DCX: variants seen among roughly 807,000 people sequenced by gnomAD.
The protein encoded by DCX is doublecortin, also known as neuronal migration protein doublecortin.
A neutral mutation model predicts 20.9 loss-of-function variants in DCX; 4 were observed. The observed-to-expected ratio is 0.19, with a 90% CI of 0.09 to 0.44. The LOEUF (loss-of-function observed/expected upper bound fraction) is 0.44, where lower values mean the gene tolerates loss of function less well. Among genes scored for constraint, DCX ranks in the 20% least tolerant of loss-of-function variants. The pLI, the probability that DCX is intolerant of heterozygous loss-of-function variation, is 0.99. For missense variants in DCX, 133 were observed against 296.9 expected, an observed-to-expected ratio of 0.45 and a Z score of 4.06; for synonymous variants, 103 against 111.4, an observed-to-expected ratio of 0.92 and a Z score of 0.47.
chrX:111,410,862 T>C, intron 1 of DCX: 1 of 1,211,319 alleles, frequency 8.3e-7, no homozygotes, highest in Non-Finnish European at 1.1e-6. Context: ...ATCCATAGCC[T>C]GACAAAATTC....
intron 3 of DCX, among the ~76,000 whole-genome samples, chrX:111,388,329 A>G (rs769943017): frequency 8.9e-6 from 1 of 112,117 alleles, no homozygotes; most frequent in South Asian, 3.7e-4. Context: ...TACTCTATCA[A>G]CAAAGCCCTT....
At chrX:111,395,702 G>C (rs977891386) in intron 3 of DCX, among the ~76,000 whole-genome samples, 1 of 112,140 alleles carries the variant, frequency 8.9e-6, no homozygotes, top group African/African-American at 3.2e-5. Flanking sequence ...TGGAGAAGGA[G>C]AATTTTGGTA....
At chrX:111,311,028 C>T (rs2095056664) in intron 6 of DCX, among the ~76,000 whole-genome samples, 1 of 111,977 alleles carries the variant, frequency 8.9e-6, no homozygotes, top group Non-Finnish European at 1.9e-5. Flanking sequence ...TCATGCTTAC[C>T]AAAAGGAAGG....
chrX:111,348,743 A>G (rs1009520801), intron 3 of DCX, among the ~76,000 whole-genome samples: 3 of 110,462 alleles, frequency 2.7e-5, no homozygotes, highest in African/African-American at 9.9e-5. Context: ...TTAAAATAAG[A>G]GAGTGTGCTT....
intron 3 of DCX, among the ~76,000 whole-genome samples, chrX:111,374,967 A>C (rs754928687): frequency 9.6e-6 from 1 of 104,263 alleles, no homozygotes; most frequent in South Asian, 4.7e-4. Context: ...GAAACAACTT[A>C]GACCTCAAGG....
intron 3 of DCX, among the ~76,000 whole-genome samples, chrX:111,361,575 T>C (rs1048732186): frequency 1.8e-5 from 2 of 112,303 alleles, no homozygotes; most frequent in African/African-American, 6.5e-5. Flanking sequence ...CAATATTAGG[T>C]CTATTGGGAA....
intron 3 of DCX, among the ~76,000 whole-genome samples, chrX:111,368,382 A>T (rs777745994): frequency 8.9e-5 from 10 of 112,014 alleles, no homozygotes; most frequent in Non-Finnish European, 1.7e-4. Context: ...ACTTCTTTAT[A>T]GAAAGCAACC....
Position 111,410,056 on chromosome X carries a change from T to G in DCX, c.343A>C (p.Ser115Arg). ...TTACCTTCCTCCAGTTCATCCATGC[T>G]TCCGATCTTCCTGGATCCATCAATG... The part of the protein sequence containing the change: ...YTIDGSRKIG[S>R]MDELEEGESY... The change falls in exon 2 of 7, where the codon AGC becomes CGC. Residue 115 changes from serine (S) to arginine (R), a missense_variant. Physicochemically the swap from Ser to Arg is moderately radical, Grantham distance 110 (BLOSUM62 -1). This residue lies in a region of DCX where 65 missense variants were observed against 212.6 expected (regional missense o/e 0.31). Coordinates refer to ENST00000636035, the MANE Select transcript of DCX (RefSeq NM_001195553.2). 1 of 1,211,862 alleles carries G rather than the reference T, an allele frequency of 8.3e-7. No homozygotes were observed. Among genetic ancestry groups the G allele is most frequent in the Non-Finnish European group, 1.1e-6 (1 of 895,509 alleles).
chrX:111,370,072 T>C (rs1924952805), intron 3 of DCX, among the ~76,000 whole-genome samples: 1 of 111,898 alleles, frequency 8.9e-6, no homozygotes, highest in Admixed American at 9.5e-5. Flanking sequence ...AATGTTGCCC[T>C]ATTCCCCAAA....
At chrX:111,340,100 T>C (rs919409638) in intron 3 of DCX, among the ~76,000 whole-genome samples, 3 of 112,812 alleles carry the variant, frequency 2.7e-5, no homozygotes, top group Admixed American at 9.3e-5. Flanking sequence ...CCATCACTGA[T>C]AGAATAAAAT....
intron 2 of DCX, among the ~76,000 whole-genome samples, chrX:111,402,400 C>T (rs938195387): frequency 9.0e-6 from 1 of 111,531 alleles, no homozygotes; most frequent in Non-Finnish European, 1.9e-5. Context: ...AGGTTGAATT[C>T]GTTGAGTAAA....
chrX:111,339,173 T>G (rs1162684009), intron 3 of DCX, among the ~76,000 whole-genome samples: 1 of 112,235 alleles, frequency 8.9e-6, no homozygotes, highest in African/African-American at 3.2e-5. Flanking sequence ...CTTTTATTTT[T>G]TATTTACATA....
chrX:111,305,257 G>A (rs1205752742), intron 6 of DCX, among the ~76,000 whole-genome samples: 1 of 111,400 alleles, frequency 9.0e-6, no homozygotes, highest in Non-Finnish European at 1.9e-5. Context: ...AATAGTAAAT[G>A]CGTAAGTAAA....
intron 3 of DCX, among the ~76,000 whole-genome samples, chrX:111,377,526 G>A (rs1019565947): frequency 4.5e-5 from 5 of 110,890 alleles, no homozygotes; most frequent in East Asian, 5.7e-4. Flanking sequence ...AGCAGAGATC[G>A]AAGTCCCTTC....
chrX:111,373,431 C>A (rs536115998), intron 3 of DCX, among the ~76,000 whole-genome samples: 6 of 112,226 alleles, frequency 5.3e-5, no homozygotes, highest in African/African-American at 1.9e-4. Flanking sequence ...GATACCTTGA[C>A]TCTCAACCTA....
chrX:111,368,087 C>A (rs944915517), intron 3 of DCX, among the ~76,000 whole-genome samples: 3 of 111,502 alleles, frequency 2.7e-5, no homozygotes, highest in African/African-American at 9.8e-5. Flanking sequence ...GATCCCAGAC[C>A]TAGGAACAGA....
rs1381381480 is a variant in DCX, at chrX:111,312,811, A to T, written c.947-75T>A. On this transcript the variant is annotated intron_variant, in intron 5 of 6. Coordinates refer to ENST00000636035, the MANE Select transcript of DCX (RefSeq NM_001195553.2). ...AGGAGCAAGTTATCCTTCCCCTCAG[A>T]AGACACTAAGAACATTCAAACAAGG... The T allele has an allele frequency of 3.7e-5, 36 of 973,157 alleles. No individual in the cohort carries two copies. In the Admixed American group the frequency reaches 7.9e-4, roughly 21 times the overall value. The allele number at this position is 973,157 out of a possible 1,213,427, so 80.2% of individuals were successfully genotyped here.
intron 3 of DCX, among the ~76,000 whole-genome samples, chrX:111,385,301 G>T (rs956068253): frequency 1.8e-5 from 2 of 111,864 alleles, no homozygotes; most frequent in Non-Finnish European, 3.8e-5. Context: ...TATATTTTTT[G>T]TCCTGTTTAA....
At chrX:111,379,156 A>C (rs896298686) in intron 3 of DCX, among the ~76,000 whole-genome samples, 1 of 112,400 alleles carries the variant, frequency 8.9e-6, no homozygotes, top group African/African-American at 3.2e-5. Context: ...TCACGCATAA[A>C]CTATATTACT....
Sources: allele counts gnomAD v4.1 joint callset (sites outside exome capture counted in the v4.1 genomes callset), GRCh38; gene constraint gnomAD v4.1.1; regional missense constraint gnomAD v4.1.1; transcripts MANE v1.5; gene names NCBI Gene and HGNC (gene_info 2026-07-23, HGNC 2026-07-21).